The following SPG7 variants were observed in gnomAD, a reference collection of about 807,000 sequenced individuals.
SPG7 encodes SPG7 matrix AAA peptidase subunit, paraplegin.
SPG7 carries 103 observed loss-of-function variants against 81.9 expected under a neutral mutation model. The ratio of observed to expected loss-of-function variants is 1.26; its 90% CI spans 1.07 to 1.48. The LOEUF (loss-of-function observed/expected upper bound fraction) is 1.48, where lower values mean the gene tolerates loss of function less well. Ranked by LOEUF, SPG7 falls within the 40% of genes most tolerant of loss-of-function variation. The probability of loss-of-function intolerance (pLI) is 0.00; values close to 1 mark genes in which losing one functional copy is unlikely to be tolerated. For missense variants in SPG7, 1,241 were observed against 1,087.3 expected, an observed-to-expected ratio of 1.14 and a Z score of -1.99; for synonymous variants, 534 against 444.2, an observed-to-expected ratio of 1.20 and a Z score of -2.54.
intron 3 of SPG7, chr16:89,523,565 C>T (rs998803122): frequency 4.0e-5 from 15 of 377,542 alleles, no homozygotes; most frequent in African/African-American, 1.7e-4. Flanking sequence ...GCATCTGTGA[C>T]GGCTCGGACG....
chr16:89,514,108 C>T (rs886774875), intron 3 of SPG7, among the ~76,000 whole-genome samples: 2 of 152,044 alleles, frequency 1.3e-5, no homozygotes, highest in African/African-American at 2.4e-5. Context: ...ACCAGTGTTT[C>T]GCAGGTGGAT....
At chr16:89,511,040 G>A (rs572707894) in intron 2 of SPG7, among the ~76,000 whole-genome samples, 38 of 152,078 alleles carry the variant, frequency 2.5e-4, no homozygotes, top group Admixed American at 9.2e-4. Context: ...GTTTTGCCAC[G>A]TTTCCCAGGC....
At position 89,524,045 on chromosome 16, in the gene SPG7, G is replaced by A. The variant is rs948625936; in HGVS notation, c.416G>A (p.Arg139Gln). ...RRRERDDQMYRERLRTLLVIA... is the reference protein window; with the variant it reads ...RRRERDDQMYQERLRTLLVIA... ...CGTGAGCGGGACGACCAGATGTACC[G>A]AGAGCGGCTGCGCACCTTGCTGGTC... Residue 139 changes from arginine to glutamine, a missense_variant, in exon 4 of 17, where the codon CGA becomes CAA. Arg to Gln is a conservative substitution (Grantham distance 43). Transcript: ENST00000645818. 6.8e-6 allele frequency: 11 copies of A among 1,613,586 alleles called. No individual in the cohort carries two copies. The highest frequency in any genetic ancestry group is 2.2e-5 in the South Asian group (2 of 91,076).
At position 89,531,993 on chromosome 16, in the gene SPG7, C is replaced by G. The variant is rs752792612; in HGVS notation, c.1077C>G (p.Ala359=). ...CCGGCTGTGGGAAGACGCTGCTGGC[C>G]AAGGCGGTGGCCACGGAGGCTCAGG... ...GPPGCGKTLL[A]KAVATEAQVP... is the part of the protein sequence containing the mutation. Residue 359 remains alanine, a synonymous_variant, in exon 8 of 17, where the codon GCC becomes GCG. Transcript: ENST00000645818. 1 of 1,614,012 alleles carries G rather than the reference C, an allele frequency of 6.2e-7. No homozygotes were observed. Among genetic ancestry groups the G allele is most frequent in the South Asian group, 1.1e-5 (1 of 91,082 alleles).
At chr16:89,552,776 G>A in intron 13 of SPG7, 1 of 620,950 alleles carries the variant, frequency 1.6e-6, no homozygotes, top group East Asian at 2.8e-5. Flanking sequence ...GGCAGTGTGT[G>A]AACAGGCACC....
chr16:89,533,902 G>A (rs1264950190), intron 9 of SPG7: 1 of 152,214 alleles, frequency 6.6e-6, no homozygotes, highest in Non-Finnish European at 1.5e-5. Flanking sequence ...GGGAGGCCGA[G>A]GCAGAAGGAG....
At chr16:89,510,467 T>G in intron 1 of SPG7, 23 bp from the exon 2 acceptor site, 4 of 1,401,250 alleles carry the variant, frequency 2.9e-6, no homozygotes, top group Non-Finnish European at 4.0e-6. Context: ...TGACCTCCAG[T>G]ATTGTTTTTT....
intron 15 of SPG7, 27 bp from the exon 16 acceptor site, chr16:89,554,459 C>A (rs750863859): frequency 1.6e-5 from 25 of 1,564,548 alleles, no homozygotes; most frequent in Admixed American, 3.3e-5. Flanking sequence ...CCAGCCTTGC[C>A]CCTGACACAG....
chr16:89,511,981 C>T lies in SPG7; in HGVS notation c.287-967C>T, dbSNP rs187537486. On this transcript the variant is annotated intron_variant, in intron 2 of 16. Transcript: ENST00000645818. ...GGCTGGAGTGCAGTGGCGCGATCTC[C>T]GCTCACTGCAAGCTCTGCCTCCAGG... Among the ~76,000 whole-genome samples, 44 of 150,608 alleles carry T rather than the reference C, an allele frequency of 2.9e-4. No individual in the cohort carries two copies. The East Asian group carries it at 5.6e-3, about 19-fold the overall frequency.
Position 89,510,514 on chromosome 16 carries a change from C to T in SPG7, c.208C>T (p.Pro70Ser), listed in dbSNP as rs2058004430. 1 of 1,610,238 alleles carries T rather than the reference C, an allele frequency of 6.2e-7. No individual in the cohort carries two copies. The highest frequency in any genetic ancestry group is 8.5e-7 in the Non-Finnish European group (1 of 1,177,706). Residue 70 changes from proline (P) to serine (S), a missense_variant, in exon 2 of 17, where the codon CCT becomes TCT. Coordinates refer to ENST00000645818, the MANE Select transcript of SPG7 (RefSeq NM_003119.4). ...LQSLQLRLLT[P>S]TFEGINGLLL... Reference sequence around the variant, plus strand: ...GAGCTTACAATTGAGACTGCTAACCCCTACCTTTGAAGGGATCAACGGATT... The same window carrying T: ...GAGCTTACAATTGAGACTGCTAACCTCTACCTTTGAAGGGATCAACGGATT...
In SPG7 at chr16:89,512,941, C is replaced by G. The variant is rs778517307; in HGVS notation, c.287-7C>G. The G allele has an allele frequency of 3.1e-6, 5 of 1,612,750 alleles. No homozygotes were observed. The South Asian group carries it at 5.5e-5, about 18-fold the overall frequency. The stretch of plus-strand genomic sequence containing the variant: ...TAATTGTTAAATCCTTTCTCTATTT[C>G]TCATAGGTGGTACTTTCTATTTTAA... On this transcript the variant is annotated splice_region_variant and splice_polypyrimidine_tract_variant and intron_variant, in intron 2 of 16. Coordinates refer to ENST00000645818, the MANE Select transcript of SPG7 (RefSeq NM_003119.4).
chr16:89,554,923 T>C, intron 16 of SPG7: 8 of 177,474 alleles, frequency 4.5e-5, no homozygotes, highest in East Asian at 1.6e-4. Context: ...TTTTTTTTTC[T>C]TTTTTTTTTT....
At chr16:89,526,282 G>T in intron 4 of SPG7, 47 bp from the exon 5 acceptor site, 1 of 1,611,758 alleles carries the variant, frequency 6.2e-7, no homozygotes, top group African/African-American at 1.3e-5. Flanking sequence ...AGGGTTGCTC[G>T]TCTGTCCCTG....
In SPG7 at chr16:89,509,248, GGTT is replaced by G. The variant is rs1362165741; in HGVS notation, c.183+655_183+657del. On this transcript the variant is annotated intron_variant, in intron 1 of 16. Transcript: ENST00000645818. ...CTAGGAGCTTAGCCCACACCTTTTA[GGTT>G]GTTGTTTTTTCGGTTATTTTTGAGA... 4.6e-5 allele frequency among the ~76,000 whole-genome samples: 7 copies of G among 151,996 alleles called. No homozygotes were observed. The East Asian group carries it at 1.3e-3, about 29-fold the overall frequency.
At chr16:89,527,366 T>G (rs2152400900) in intron 5 of SPG7, 2 of 152,344 alleles carry the variant, frequency 1.3e-5, no homozygotes, top group South Asian at 4.1e-4. Flanking sequence ...TCCCAAATGG[T>G]CAGAGTGAGT....
At position 89,529,467 on chromosome 16, in the gene SPG7, C is replaced by A; in HGVS notation, c.759-10C>A. On this transcript the variant is annotated splice_polypyrimidine_tract_variant and intron_variant, in intron 5 of 16. Coordinates refer to ENST00000645818, the MANE Select transcript of SPG7 (RefSeq NM_003119.4). ...TCTGAGCCTGTGCCTGCCTCTCTTT[C>A]TTCCGGCAGTGCCCTGTACTCTGTG... 1 of 1,601,228 alleles carries A rather than the reference C, an allele frequency of 6.2e-7. No homozygotes were observed. The highest frequency in any genetic ancestry group is 8.5e-7 in the Non-Finnish European group (1 of 1,169,706).
At chr16:89,513,563 C>T (rs868666428) in intron 3 of SPG7, among the ~76,000 whole-genome samples, 8 of 151,460 alleles carry the variant, frequency 5.3e-5, no homozygotes, top group African/African-American at 1.9e-4. Context: ...CCTATCTATA[C>T]AGAAAGAAAA....
intron 9 of SPG7, 41 bp from the exon 10 acceptor site, chr16:89,544,607 G>C (rs746315379): frequency 1.9e-6 from 3 of 1,612,748 alleles, no homozygotes; most frequent in South Asian, 2.2e-5. Flanking sequence ...GTTGTGTCAG[G>C]ACCCCTACCC....
chr16:89,542,797 C>T (rs2058511934), intron 9 of SPG7, among the ~76,000 whole-genome samples: 1 of 152,096 alleles, frequency 6.6e-6, no homozygotes, highest in African/African-American at 2.4e-5. Context: ...AGTATAGGGG[C>T]ATGATCATAG....
Sources: gnomAD v4.1 joint callset for allele counts (sites outside exome capture counted in the v4.1 genomes callset) on GRCh38, gnomAD v4.1.1 for gene constraint, MANE v1.5 for transcripts, NCBI Gene and HGNC (gene_info 2026-07-23, HGNC 2026-07-21) for gene names.